The following GJC1 variants were observed in gnomAD, a reference collection of about 807,000 sequenced individuals.
GJC1 encodes gap junction gamma-1 protein.
Under a neutral mutation model 29.3 loss-of-function variants are expected in GJC1, and 5 were observed. The ratio of observed to expected loss-of-function variants is 0.17; its 90% CI spans 0.09 to 0.36. GJC1 has a LOEUF of 0.36. Among genes scored for constraint, GJC1 ranks in the 10% least tolerant of loss-of-function variants. The pLI is 1.00. For missense variants in GJC1, 310 were observed against 496.2 expected (o/e 0.62, Z 3.56); for synonymous variants, 177 against 183.3 (o/e 0.97, Z 0.28).
intron 1 of GJC1, among the ~76,000 whole-genome samples, chr17:44,822,705 A>C (rs2050126873): frequency 6.6e-6 from 1 of 151,866 alleles, no homozygotes; most frequent in Admixed American, 6.6e-5. Context: ...GCCACTTAAT[A>C]AAATAGAGTA....
chr17:44,829,839 C>CGCCGGGGACAGTGGCAGGACGCGG (rs2050211905), intron 1 of GJC1: 1 of 152,030 alleles, frequency 6.6e-6, no homozygotes, highest in South Asian at 2.1e-4. Context: ...AGGGAGGGTG[C>CGCCGGGGACAGTGGCAGGACGCGG]GCCGGGGACA....
chr17:44,825,966 G>A (rs1297747511), intron 1 of GJC1, among the ~76,000 whole-genome samples: 1 of 151,994 alleles, frequency 6.6e-6, no homozygotes, highest in African/African-American at 2.4e-5. Context: ...TGTCGCCCAG[G>A]CTGGAGAGCA....
At chr17:44,828,645 C>CACAGT (rs1311918016) in intron 1 of GJC1, among the ~76,000 whole-genome samples, 2 of 152,170 alleles carry the variant, frequency 1.3e-5, no homozygotes, top group East Asian at 3.8e-4. Flanking sequence ...TCTGACATTA[C>CACAGT]ACAGTACTTA....
At chr17:44,814,200 G>A (rs149742175) in intron 1 of GJC1, among the ~76,000 whole-genome samples, 32 of 152,126 alleles carry the variant, frequency 2.1e-4, no homozygotes, top group African/African-American at 7.5e-4. Flanking sequence ...GAGTGCAGTG[G>A]CCTGATCTTG....
chr17:44,813,896 G>A (rs944837924), intron 1 of GJC1, among the ~76,000 whole-genome samples: 2 of 152,004 alleles, frequency 1.3e-5, no homozygotes, highest in Non-Finnish European at 2.9e-5. Context: ...TTCTGTAATG[G>A]GTCACTCATT....
At chr17:44,829,080 AAACTT>A (rs1042881066) in intron 1 of GJC1, among the ~76,000 whole-genome samples, 4 of 151,420 alleles carry the variant, frequency 2.6e-5, no homozygotes, top group Non-Finnish European at 4.4e-5. Flanking sequence ...GAACTTATTC[AAACTT>A]AACTTACTCG....
rs978042364 is a variant in GJC1, at chr17:44,804,293, C to G, written c.*334G>C. 1 of 204,292 alleles carries G rather than the reference C, an allele frequency of 4.9e-6. No homozygotes were observed. The highest frequency in any genetic ancestry group is 2.4e-5 in the African/African-American group (1 of 41,668). The allele number at this position is 204,292 out of a possible 1,614,324, so 12.7% of individuals were successfully genotyped here. ...TCAATGTACAAATACAAAAAAAGTTCTCATACTAAAAAAAAAAAAGTACCA... is the reference window on the plus strand; with the variant it reads ...TCAATGTACAAATACAAAAAAAGTTGTCATACTAAAAAAAAAAAAGTACCA... On this transcript the variant is annotated 3_prime_UTR_variant, in exon 3 of 3. Coordinates refer to ENST00000592524, the MANE Select transcript of GJC1 (RefSeq NM_005497.4).
chr17:44,798,924 G>C lies in GJC1; in HGVS notation c.*5703C>G, dbSNP rs2049807812. 1 of 152,250 alleles carries C rather than the reference G, an allele frequency of 6.6e-6. No homozygotes were observed. Among genetic ancestry groups the C allele is most frequent in the African/African-American group, 2.4e-5 (1 of 41,448 alleles). The allele number at this position is 152,250 out of a possible 1,614,324, so 9.4% of individuals were successfully genotyped here. On this transcript the variant is annotated 3_prime_UTR_variant, in exon 3 of 3. Transcript: ENST00000592524. ...CCATCACCCAAGCTGGAGTGCAGTG[G>C]TGCAATCTCAGCTCACTGCAACCTC... is the stretch of plus-strand genomic sequence containing the variant.
intron 1 of GJC1, among the ~76,000 whole-genome samples, chr17:44,824,327 TC>T (rs2050145302): frequency 6.6e-6 from 1 of 152,012 alleles, no homozygotes; most frequent in South Asian, 2.1e-4. Context: ...ATAGAGACTG[TC>T]CCACTCTGTT....
At chr17:44,816,239 G>A (rs1405541614) in intron 1 of GJC1, among the ~76,000 whole-genome samples, 1 of 150,860 alleles carries the variant, frequency 6.6e-6, no homozygotes, top group African/African-American at 2.4e-5. Flanking sequence ...CCCAAATACT[G>A]AAGAAAATCA....
intron 1 of GJC1, among the ~76,000 whole-genome samples, chr17:44,821,255 C>G (rs1277564196): frequency 6.6e-6 from 1 of 152,226 alleles, no homozygotes; most frequent in Non-Finnish European, 1.5e-5. Context: ...AATATTGGAA[C>G]ATTTGTCCAA....
At chr17:44,807,261 T>C (rs948769569) in intron 2 of GJC1, 133 bp downstream of exon 2, 5 of 152,240 alleles carry the variant, frequency 3.3e-5, no homozygotes, top group Non-Finnish European at 7.3e-5. Context: ...AATGAGGTAA[T>C]ATATGGGAAA....
At chr17:44,811,945 G>A (rs1346969213) in intron 1 of GJC1, among the ~76,000 whole-genome samples, 1 of 151,764 alleles carries the variant, frequency 6.6e-6, no homozygotes, top group Admixed American at 6.6e-5. Flanking sequence ...AGAGGTTGCA[G>A]TGAGCCGAGA....
intron 1 of GJC1, among the ~76,000 whole-genome samples, chr17:44,824,583 G>A (rs1039275512): frequency 2.0e-5 from 3 of 151,992 alleles, no homozygotes; most frequent in African/African-American, 7.3e-5. Flanking sequence ...GAGTACATGT[G>A]TGCCACTGCA....
At chr17:44,817,268 T>C (rs969884583) in intron 1 of GJC1, among the ~76,000 whole-genome samples, 3 of 152,152 alleles carry the variant, frequency 2.0e-5, no homozygotes, top group African/African-American at 7.2e-5. Flanking sequence ...ACTTATTAAG[T>C]AGTGAAGCCA....
intron 1 of GJC1, among the ~76,000 whole-genome samples, chr17:44,823,248 G>A (rs376610876): frequency 8.5e-6 from 1 of 117,834 alleles, no homozygotes; most frequent in Non-Finnish European, 1.7e-5. Flanking sequence ...TTTCTTTCCT[G>A]TTTTTTTTTT....
chr17:44,796,088 G>A (rs548737678), downstream of GJC1, among the ~76,000 whole-genome samples: 15 of 152,332 alleles, frequency 9.8e-5, no homozygotes, highest in African/African-American at 3.6e-4. Context: ...GTGCCTGTCA[G>A]TGTTCCTCCG....
intron 1 of GJC1, among the ~76,000 whole-genome samples, chr17:44,817,334 C>T (rs2050054839): frequency 6.6e-6 from 1 of 151,890 alleles, no homozygotes; most frequent in African/African-American, 2.4e-5. Flanking sequence ...TGACCACTCG[C>T]TAGTAAAGAA....
In GJC1 at chr17:44,800,667, G is replaced by A. The variant is rs547032104; in HGVS notation, c.*3960C>T. 6.6e-6 allele frequency: 1 copy of A among 152,292 alleles called. No homozygotes were observed. Among genetic ancestry groups the A allele is most frequent in the South Asian group, 2.1e-4 (1 of 4,834 alleles). 9.4% of individuals were successfully genotyped at this position (152,292 alleles called of 1,614,324 possible). On this transcript the variant is annotated 3_prime_UTR_variant, in exon 3 of 3. Coordinates refer to ENST00000592524, the MANE Select transcript of GJC1 (RefSeq NM_005497.4). ...AGTCCATTCTTCGTATAAACTGCTA[G>A]AGAGTGTTTCAGACCATCACTGATG...
Sources: allele counts gnomAD v4.1 joint callset (sites outside exome capture counted in the v4.1 genomes callset), GRCh38; gene constraint gnomAD v4.1.1; transcripts MANE v1.5; gene names NCBI Gene and HGNC (gene_info 2026-07-23, HGNC 2026-07-21).